The following MCTP2 variants were observed in gnomAD, a reference collection of about 807,000 sequenced individuals.
The protein encoded by MCTP2 is multiple C2 and transmembrane domain-containing protein 2.
A neutral mutation model predicts 111.6 loss-of-function variants in MCTP2; 132 were observed. That is an observed-to-expected ratio of 1.18 (90% confidence interval 1.03 to 1.37). The LOEUF is 1.37. MCTP2 is among the 40% of genes most tolerant of loss of function. MCTP2 has a pLI of 0.00. For synonymous variants in MCTP2, 395 were observed against 387.7 expected (o/e 1.02, Z -0.22); for missense variants, 1,183 against 1,067.9 (o/e 1.11, Z -1.50).
At chr15:94,425,778 A>G (rs1198408575) in intron 17 of MCTP2, among the ~76,000 whole-genome samples, 2 of 152,160 alleles carry the variant, frequency 1.3e-5, no homozygotes, top group Non-Finnish European at 2.9e-5. Flanking sequence ...TTGAAACTAC[A>G]TGAAATGAAT....
chr15:94,305,343 A>G (rs1309396955), intron 2 of MCTP2, among the ~76,000 whole-genome samples: 1 of 152,154 alleles, frequency 6.6e-6, no homozygotes, highest in Non-Finnish European at 1.5e-5. Flanking sequence ...GCCTGAGCTG[A>G]CTAACTCTGT....
intron 14 of MCTP2, among the ~76,000 whole-genome samples, chr15:94,392,020 G>A (rs1027657522): frequency 1.3e-5 from 2 of 152,082 alleles, no homozygotes; most frequent in African/African-American, 4.8e-5. Context: ...GTAAGTAAAA[G>A]GTAGGTCAGA....
intron 22 of MCTP2, among the ~76,000 whole-genome samples, chr15:94,477,673 C>T (rs1567802476): frequency 6.6e-6 from 1 of 152,114 alleles, no homozygotes; most frequent in African/African-American, 2.4e-5. Context: ...TAATTGGTTC[C>T]CTGGCAGCTC....
At chr15:94,400,141 T>G in intron 16 of MCTP2, 146 bp downstream of exon 16, 1 of 653,786 alleles carries the variant, frequency 1.5e-6, no homozygotes, top group Non-Finnish European at 2.7e-6. Flanking sequence ...CTCCACTTAT[T>G]TCTCCTTGTC....
chr15:94,461,853 A>G lies in MCTP2; in HGVS notation c.2360+3607A>G, dbSNP rs533153295. Among the ~76,000 whole-genome samples, 4 of 152,296 alleles carry G rather than the reference A, an allele frequency of 2.6e-5. No homozygotes were observed. In the South Asian group the frequency reaches 8.3e-4, roughly 32 times the overall value. ...GGAATCCAGGTTAAATAGGGCTGGA[A>G]TCCTGATGGGGACATGGGGAATGAG... is the stretch of plus-strand genomic sequence containing the variant. On this transcript the variant is annotated intron_variant, in intron 20 of 22. Transcript: ENST00000357742.
chr15:94,365,885 G>A (rs1441600324), intron 10 of MCTP2, among the ~76,000 whole-genome samples: 1 of 152,114 alleles, frequency 6.6e-6, no homozygotes, highest in East Asian at 1.9e-4. Flanking sequence ...GATTAGCAGA[G>A]AAAACTTCTA....
Position 94,339,419 on chromosome 15 carries a change from A to T in MCTP2, c.767A>T (p.Lys256Met). 3 of 1,601,724 alleles carry T rather than the reference A, an allele frequency of 1.9e-6. No homozygotes were observed. Among genetic ancestry groups the T allele is most frequent in the Non-Finnish European group, 2.6e-6 (3 of 1,175,612 alleles). ...VVLPIQSLDQ[K>M]LRVKVYDRDL... The stretch of plus-strand genomic sequence containing the variant: ...TTGCCAATCCAAAGCCTTGATCAAA[A>T]GCTACGTGTGAAGGTAATCACAGAT... Residue 256 changes from lysine to methionine, a missense_variant, in exon 5 of 23, where the codon AAG (lysine) becomes ATG (methionine). By Grantham distance (95) the Lys-to-Met change is moderately conservative. Coordinates refer to ENST00000357742, the MANE Select transcript of MCTP2 (RefSeq NM_001385001.1).
At chr15:94,245,323 T>C (rs970024189) in intron 1 of MCTP2, among the ~76,000 whole-genome samples, 1 of 141,716 alleles carries the variant, frequency 7.1e-6, no homozygotes, top group Admixed American at 7.2e-5. Flanking sequence ...TACATATATT[T>C]ACATACATAT....
intron 17 of MCTP2, among the ~76,000 whole-genome samples, chr15:94,433,451 T>A (rs945683512): frequency 5.9e-5 from 9 of 152,158 alleles, no homozygotes; most frequent in African/African-American, 2.2e-4. Context: ...CAAGCAATGG[T>A]CCTAACATAC....
chr15:94,308,933 GAC>G (rs963582883), intron 2 of MCTP2, among the ~76,000 whole-genome samples: 2 of 152,144 alleles, frequency 1.3e-5, no homozygotes, highest in African/African-American at 2.4e-5. Flanking sequence ...AAGGTATATG[GAC>G]ACACACACAC....
At chr15:94,261,969 T>C (rs1418593353) in intron 1 of MCTP2, among the ~76,000 whole-genome samples, 1 of 152,230 alleles carries the variant, frequency 6.6e-6, no homozygotes, top group Non-Finnish European at 1.5e-5. Flanking sequence ...CATTAATTTC[T>C]TGTATATTGC....
chr15:94,257,746 C>T (rs915472168), intron 1 of MCTP2, among the ~76,000 whole-genome samples: 1 of 151,014 alleles, frequency 6.6e-6, no homozygotes, highest in Non-Finnish European at 1.5e-5. Context: ...GCCACCATGC[C>T]CAGCTAATTT....
At chr15:94,267,869 CTTTTTTTT>C (rs755287019) in intron 1 of MCTP2, among the ~76,000 whole-genome samples, 1 of 77,454 alleles carries the variant, frequency 1.3e-5, no homozygotes, top group Admixed American at 1.8e-4. Flanking sequence ...CCTTTTCTTT[CTTTTTTTT>C]TTTTTTGAGA....
intron 1 of MCTP2, chr15:94,278,346 T>C (rs2074316281): frequency 6.6e-6 from 1 of 152,166 alleles, no homozygotes; most frequent in South Asian, 2.1e-4. Context: ...GGAAACTCTG[T>C]ACCTGATAGG....
chr15:94,422,735 T>G (rs929652901), intron 17 of MCTP2, among the ~76,000 whole-genome samples: 4 of 152,240 alleles, frequency 2.6e-5, no homozygotes, highest in Admixed American at 6.5e-5. Context: ...CAGCCGTTGC[T>G]CTATGAACCA....
At chr15:94,344,453 G>A (rs1358958630) in intron 7 of MCTP2, among the ~76,000 whole-genome samples, 3 of 152,212 alleles carry the variant, frequency 2.0e-5, no homozygotes, top group African/African-American at 7.2e-5. Context: ...GAGCTTTGCA[G>A]TACTGAATGG....
intron 20 of MCTP2, 85 bp from the exon 21 acceptor site, chr15:94,470,248 A>G: frequency 1.9e-6 from 2 of 1,049,588 alleles, no homozygotes; most frequent in Admixed American, 2.1e-5. Context: ...TTCTATAATT[A>G]TGAACATGAA....
At chr15:94,279,811 A>G (rs2074388491) in intron 1 of MCTP2, among the ~76,000 whole-genome samples, 1 of 152,156 alleles carries the variant, frequency 6.6e-6, no homozygotes, top group East Asian at 1.9e-4. Flanking sequence ...GGTTTTTAAC[A>G]TGAAGGATTT....
At chr15:94,415,545 A>G (rs2082332122) in intron 17 of MCTP2, among the ~76,000 whole-genome samples, 1 of 152,100 alleles carries the variant, frequency 6.6e-6, no homozygotes, top group Non-Finnish European at 1.5e-5. Flanking sequence ...GCAGTGCCAT[A>G]ACACCCCGTG....
Sources: allele counts gnomAD v4.1 joint callset (sites outside exome capture counted in the v4.1 genomes callset), GRCh38; gene constraint gnomAD v4.1.1; transcripts MANE v1.5; gene names NCBI Gene and HGNC (gene_info 2026-07-23, HGNC 2026-07-21).